The following JAK3 variants were observed in gnomAD, a reference collection of about 807,000 sequenced individuals.
JAK3 encodes tyrosine-protein kinase JAK3.
A neutral mutation model predicts 120.8 loss-of-function variants in JAK3; 88 were observed. That is an observed-to-expected ratio of 0.73 (90% CI 0.61 to 0.87). JAK3 has a LOEUF of 0.87. Among genes scored for constraint, JAK3 ranks in the 40% least tolerant of loss-of-function variants. The probability of loss-of-function intolerance (pLI) is 0.00; values close to 1 mark genes in which losing one functional copy is unlikely to be tolerated. For missense variants in JAK3, 1,254 were observed against 1,501.4 expected, an observed-to-expected ratio of 0.84 and a Z score of 2.72; for synonymous variants, 592 against 628.6, an observed-to-expected ratio of 0.94 and a Z score of 0.87.
chr19:17,847,887 C>T lies in JAK3; in HGVS notation c.-14+59G>A, dbSNP rs900892915. ...ACCCTGCCCCAGCCCAGCCATCCCCCGCCACCACCATCCTCCCCCAGTGTC... is the reference window on the plus strand; with the variant it reads ...ACCCTGCCCCAGCCCAGCCATCCCCTGCCACCACCATCCTCCCCCAGTGTC... On this transcript the variant is annotated intron_variant, in intron 1 of 23. Transcript: ENST00000458235. 39 of 860,346 alleles carry T rather than the reference C, an allele frequency of 4.5e-5. No homozygotes were observed. In the East Asian group the frequency reaches 9.8e-4, roughly 22 times the overall value. 53.3% of individuals were successfully genotyped at this position (860,346 alleles called of 1,614,324 possible).
intron 9 of JAK3, 144 bp from the exon 10 acceptor site, chr19:17,839,807 C>T (rs2147692033): frequency 1.4e-6 from 1 of 734,210 alleles, no homozygotes. Flanking sequence ...ATGGCGTGAC[C>T]TTGGCTCACT....
At position 17,842,358 on chromosome 19, in the gene JAK3, C is replaced by T. The variant is rs1445451910; in HGVS notation, c.819G>A (p.Val273=). 1 of 1,590,554 alleles carries T rather than the reference C, an allele frequency of 6.3e-7. No individual in the cohort carries two copies. The highest frequency in any genetic ancestry group is 1.7e-5 in the Admixed American group (1 of 58,600). The change falls in exon 6 of 24, where the codon GTG becomes GTA. Residue 273 remains valine (V), a synonymous_variant. Transcript: ENST00000458235. The surrounding 1 kb of genome is among the most constrained non-coding windows in gnomAD (Gnocchi z 6.4). ...TCCAGGCGATGCCGCCGTCACCAGC[C>T]ACGCGGAGCAGCCCCAGCCCGTCGT... is the stretch of plus-strand genomic sequence containing the variant. ...GGHDGLGLLR[V]AGDGGIAWTQ...
Position 17,832,723 on chromosome 19 carries a change from G to C in JAK3, c.2491-15C>G. 4 of 1,614,212 alleles carry C rather than the reference G, an allele frequency of 2.5e-6. No individual in the cohort carries two copies. The highest frequency in any genetic ancestry group is 2.5e-6 in the Non-Finnish European group (3 of 1,180,026). ...CCAAAGTTGCCCTGGGGGATAGCGG[G>C]ACTGATGTCCAGGCACCTGGATGCT... On this transcript the variant is annotated splice_polypyrimidine_tract_variant and intron_variant, in intron 18 of 23. Coordinates refer to ENST00000458235, the MANE Select transcript of JAK3 (RefSeq NM_000215.4). The surrounding 1 kb of genome is among the most constrained non-coding windows in gnomAD (Gnocchi z 4.7).
chr19:17,836,078 T>C, intron 13 of JAK3, 27 bp from the exon 14 acceptor site: 1 of 1,610,166 alleles, frequency 6.2e-7, no homozygotes, highest in South Asian at 1.1e-5. Context: ...AGAGGCGGGG[T>C]TGGGAGACTG....
chr19:17,835,812 C>A lies in JAK3; in HGVS notation c.1914+112G>T. On this transcript the variant is annotated intron_variant, in intron 14 of 23. Transcript: ENST00000458235. ...ACCTGAACCTAAAATGCCCTCCCCTCGAACCCTTACCAAACTCCTATGCAT... is the reference window on the plus strand; with the variant it reads ...ACCTGAACCTAAAATGCCCTCCCCTAGAACCCTTACCAAACTCCTATGCAT... The A allele has an allele frequency of 4.3e-6, 6 of 1,410,146 alleles. No individual in the cohort carries two copies. The South Asian group carries it at 7.3e-5, about 17-fold the overall frequency. 87.4% of individuals were successfully genotyped at this position (1,410,146 alleles called of 1,614,324 possible). A position where few individuals can be genotyped will look rare whatever the true frequency, so the allele number is the denominator to read the frequency against.
rs567346293 is a variant in JAK3, at chr19:17,843,166, T to C, written c.427A>G (p.Ser143Gly). 5.6e-6 allele frequency: 9 copies of C among 1,604,510 alleles called. No individual in the cohort carries two copies. Among genetic ancestry groups the C allele is most frequent in the Middle Eastern group, 1.7e-4 (1 of 6,048 alleles). Residue 143 changes from serine (S) to glycine (G), a missense_variant, in exon 5 of 24, where the codon AGT becomes GGT. By Grantham distance (56) the Ser-to-Gly change is moderately conservative. Coordinates refer to ENST00000458235, the MANE Select transcript of JAK3 (RefSeq NM_000215.4). This position sits in a 1 kb window ranked among gnomAD's most constrained non-coding sequence, Gnocchi z 5.4. Reference protein sequence around the residue: ...VLEHLFAQHRSDLVSGRLPVG... With the variant: ...VLEHLFAQHRGDLVSGRLPVG... ...GGGAGGCGCCCACTCACCAGGTCAC[T>C]GCGGTGCTGGGGGGCCGCCACAGGG...
At chr19:17,839,734 T>C (rs1904400767) in intron 9 of JAK3, 71 bp from the exon 10 acceptor site, 2 of 1,295,618 alleles carry the variant, frequency 1.5e-6, no homozygotes, top group East Asian at 2.5e-5. Flanking sequence ...TCTTCCTTTT[T>C]TTTCTTTTTT....
At position 17,837,208 on chromosome 19, in the gene JAK3, GA is replaced by G; in HGVS notation, c.1706del (p.Phe569SerfsTer7). On this transcript the variant is annotated frameshift_variant, in exon 13 of 24. Transcript: ENST00000458235. LOFTEE classifies it high-confidence loss of function. ...GGCTCATCAAGCTCGCTGCTTCCAG[GA>G]ATGACTGGGGAAGGTGGGAAGGGAG... ...DAKHKNCMES[F>X]LEAASLMSQV... The G allele has an allele frequency of 1.3e-6, 2 of 1,565,668 alleles. No individual in the cohort carries two copies. The highest frequency in any genetic ancestry group is 1.7e-6 in the Non-Finnish European group (2 of 1,154,388).
At chr19:17,827,838 G>C (rs2094206945) in intron 23 of JAK3, among the ~76,000 whole-genome samples, 1 of 148,322 alleles carries the variant, frequency 6.7e-6, no homozygotes, top group Admixed American at 6.8e-5. Flanking sequence ...GGAGGCGGAA[G>C]TTGTGGTGAG....
At position 17,842,264 on chromosome 19, in the gene JAK3, C is replaced by T; in HGVS notation, c.861+52G>A. ...ATCCCCTACCACTCTCCGGCCCCTC[C>T]CCGAGCCCCGCCCCCACGTTGGCCC... On this transcript the variant is annotated intron_variant, in intron 6 of 23. Transcript: ENST00000458235. This position sits in a 1 kb window ranked among gnomAD's most constrained non-coding sequence, Gnocchi z 6.4. The T allele has an allele frequency of 7.1e-7, 1 of 1,407,028 alleles. No individual in the cohort carries two copies. The highest frequency in any genetic ancestry group is 9.4e-7 in the Non-Finnish European group (1 of 1,058,356). The allele number at this position is 1,407,028 out of a possible 1,614,324, so 87.2% of individuals were successfully genotyped here. A position where few individuals can be genotyped will look rare whatever the true frequency, so the allele number is the denominator to read the frequency against.
rs2094213966 is a variant in JAK3, at chr19:17,831,222, C to T, written c.2978+6G>A. On this transcript the variant is annotated splice_donor_region_variant and intron_variant, in intron 21 of 23. Transcript: ENST00000458235. The surrounding 1 kb of genome is among the most constrained non-coding windows in gnomAD (Gnocchi z 5.1). ...TAGGGGCGGAGCCTAGGCGCGGGTT[C>T]CCCACCAGAAAATGGGGCTCTGGCC... The T allele has an allele frequency of 6.2e-7, 1 of 1,611,458 alleles. No homozygotes were observed. The highest frequency in any genetic ancestry group is 8.5e-7 in the Non-Finnish European group (1 of 1,179,420).
In JAK3 at chr19:17,831,698, AAGG is replaced by A; in HGVS notation, c.2778_2780del (p.Leu928del). On this transcript the variant is annotated inframe_deletion, in exon 20 of 24. Transcript: ENST00000458235. The surrounding 1 kb of genome is among the most constrained non-coding windows in gnomAD (Gnocchi z 5.1). ...CCTTGCAGATCTGCGAGGAATAGAG[AAGG>A]AGGCGGCTGGCATCGAGGCGCGCGC... 6.2e-7 allele frequency: 1 copy of A among 1,610,018 alleles called. No individual in the cohort carries two copies. The highest frequency in any genetic ancestry group is 8.5e-7 in the Non-Finnish European group (1 of 1,178,836).
intron 11 of JAK3, 96 bp downstream of exon 11, chr19:17,838,167 C>G: frequency 6.2e-7 from 1 of 1,612,176 alleles, no homozygotes; most frequent in Non-Finnish European, 8.5e-7. Context: ...ATGGGAAAAC[C>G]GAGGCAAGGT....
rs2094223501 is a variant in JAK3 at position 17,836,027 on chromosome 19, T to G, written c.1811A>C (p.His604Pro). ...CAGATACATGTCTATGGCCCCCAGGTGTACAAATTCCTGCACCATGGTGCC... is the reference window on the plus strand; with the variant it reads ...CAGATACATGTCTATGGCCCCCAGGGGTACAAATTCCTGCACCATGGTGCC... ...GDSTMVQEFV[H>P]LGAIDMYLRK... The change falls in exon 14 of 24, where the codon CAC becomes CCC. Residue 604 changes from histidine (H) to proline (P), a missense_variant. Transcript: ENST00000458235. The G allele has an allele frequency of 6.2e-7, 1 of 1,613,758 alleles. No individual in the cohort carries two copies. The highest frequency in any genetic ancestry group is 1.3e-5 in the African/African-American group (1 of 74,896).
intron 11 of JAK3, 82 bp downstream of exon 11, chr19:17,838,181 A>G: frequency 6.2e-7 from 1 of 1,612,264 alleles, no homozygotes; most frequent in Admixed American, 1.7e-5. Context: ...GCAAGGTAAA[A>G]TTATAGCATA....
intron 12 of JAK3, 47 bp from the exon 13 acceptor site, chr19:17,837,260 C>G (rs199985616): frequency 6.9e-7 from 1 of 1,453,126 alleles, no homozygotes; most frequent in East Asian, 2.5e-5. Flanking sequence ...TTCTTCCACT[C>G]CAATAATCCC....
chr19:17,828,085 T>G lies in JAK3; in HGVS notation c.3208-1175A>C, dbSNP rs114227428. Among the ~76,000 whole-genome samples, 472 of 152,142 alleles carry G rather than the reference T, an allele frequency of 3.1e-3. 2 individuals carry two copies. The highest frequency in any genetic ancestry group is 0.011 in the African/African-American group (456 of 41,496). ...CCCTTCCGTGTCCTCCACTGGAAATTTCTTCTCCTAGCTTTACTCATGGGT... is the reference window on the plus strand; with the variant it reads ...CCCTTCCGTGTCCTCCACTGGAAATGTCTTCTCCTAGCTTTACTCATGGGT... On this transcript the variant is annotated intron_variant, in intron 23 of 23. Coordinates refer to ENST00000458235, the MANE Select transcript of JAK3 (RefSeq NM_000215.4).
In JAK3 at chr19:17,842,208, C is replaced by T. The variant is rs994777376; in HGVS notation, c.861+108G>A. The stretch of plus-strand genomic sequence containing the variant: ...GCCCCTCATTAAGCCTCGCCCACTT[C>T]CCCAAGTCTTTCGTTTTGGCTCCGC... On this transcript the variant is annotated intron_variant, in intron 6 of 23. Coordinates refer to ENST00000458235, the MANE Select transcript of JAK3 (RefSeq NM_000215.4). This position sits in a 1 kb window ranked among gnomAD's most constrained non-coding sequence, Gnocchi z 6.4. 1.6e-6 allele frequency: 2 copies of T among 1,236,092 alleles called. No individual in the cohort carries two copies. The highest frequency in any genetic ancestry group is 3.0e-5 in the African/African-American group (2 of 65,702). 76.6% of individuals were successfully genotyped at this position (1,236,092 alleles called of 1,614,324 possible). A position where few individuals can be genotyped will look rare whatever the true frequency, so the allele number is the denominator to read the frequency against.
chr19:17,839,287 G>C, intron 10 of JAK3, 190 bp downstream of exon 10: 1 of 695,876 alleles, frequency 1.4e-6, no homozygotes, highest in Non-Finnish European at 2.6e-6. Context: ...CTCACATCTA[G>C]CTGTGCCTAG....
Sources: allele counts gnomAD v4.1 joint callset (sites outside exome capture counted in the v4.1 genomes callset), GRCh38; gene constraint gnomAD v4.1.1; non-coding constraint Gnocchi (gnomAD v3.1); transcripts MANE v1.5; gene names NCBI Gene and HGNC (gene_info 2026-07-23, HGNC 2026-07-21).